ZNF85: variants seen among roughly 807,000 people sequenced by gnomAD.
ZNF85 encodes zinc finger protein 85, also known as zinc finger protein 85 (HPF4, HTF1).
A neutral mutation model predicts 53.9 loss-of-function variants in ZNF85; 50 were observed. That is an observed-to-expected ratio of 0.93 (90% CI 0.74 to 1.17). The LOEUF is 1.17. ZNF85 is among the 50% of genes most tolerant of loss of function. The pLI is 0.00. For missense variants in ZNF85, 747 were observed against 688.5 expected, an observed-to-expected ratio of 1.08 and a Z score of -0.95; for synonymous variants, 225 against 226.1, an observed-to-expected ratio of 1.00 and a Z score of 0.04.
At chr19:20,938,874 GTGTATATATA>G (rs58080876) in intron 3 of ZNF85, among the ~76,000 whole-genome samples, 32 of 140,804 alleles carry the variant, frequency 2.3e-4, no homozygotes, top group Admixed American at 1.1e-3. Flanking sequence ...GTGTGTGTGT[GTGTATATATA>G]TGTGTGTGTG....
In ZNF85 at chr19:20,949,422, C is replaced by A. The variant is rs114854839; in HGVS notation, c.908C>A (p.Thr303Asn). The change falls in exon 4 of 4, where the codon ACC (threonine) becomes AAC (asparagine). Residue 303 changes from threonine to asparagine, a missense_variant. By Grantham distance (65) the Thr-to-Asn change is moderately conservative. Coordinates refer to ENST00000328178, the MANE Select transcript of ZNF85 (RefSeq NM_003429.5). ...KAFNRSSTLT[T>N]HRKIHTGEKP... ...TTTAACCGATCTTCAACCCTTACTA[C>A]CCATAGAAAAATTCATACTGGAGAG... The A allele has an allele frequency of 3.1e-4, 493 of 1,601,850 alleles. 3 individuals carry two copies. The African/African-American group carries it at 5.9e-3, about 19-fold the overall frequency.
Position 20,949,065 on chromosome 19 carries a change from G to T in ZNF85, c.551G>T (p.Gly184Val). 1.9e-6 allele frequency: 3 copies of T among 1,613,776 alleles called. No individual in the cohort carries two copies. Among genetic ancestry groups the T allele is most frequent in the Non-Finnish European group, 2.5e-6 (3 of 1,179,804 alleles). The change falls in exon 4 of 4, where the codon GGC becomes GTC. Residue 184 changes from glycine to valine, a missense_variant. By Grantham distance (109) the Gly-to-Val change is moderately radical. Coordinates refer to ENST00000328178, the MANE Select transcript of ZNF85 (RefSeq NM_003429.5). ...FKCTKCGKSF[G>V]MISCLTEHSR... Reference sequence around the variant, plus strand: ...TGTACAAAATGTGGCAAATCATTTGGCATGATTTCATGCCTAACTGAACAT... The same window carrying T: ...TGTACAAAATGTGGCAAATCATTTGTCATGATTTCATGCCTAACTGAACAT...
chr19:20,948,708 G>A (rs1973480087), intron 3 of ZNF85, 36 bp from the exon 4 acceptor site: 7 of 1,419,106 alleles, frequency 4.9e-6, no homozygotes, highest in African/African-American at 1.4e-5. Flanking sequence ...TCTAAGTCTA[G>A]CAAGTGGAGT....
Position 20,950,419 on chromosome 19 carries a change from TATAAAA to T in ZNF85, c.*118_*123del, listed in dbSNP as rs59182323. 0.11 allele frequency: 78,601 copies of T among 694,250 alleles called. 4,765 individuals are homozygous for T. Among genetic ancestry groups the T allele is most frequent in the Non-Finnish European group, 0.12 (55,086 of 445,096 alleles). 43.0% of individuals were successfully genotyped at this position (694,250 alleles called of 1,614,324 possible). The stretch of plus-strand genomic sequence containing the variant: ...AATAATTTTGACAACACCTCAGACT[TATAAAA>T]GTAATCATACTGGTGAGAAATTCTA... On this transcript the variant is annotated 3_prime_UTR_variant, in exon 4 of 4. Transcript: ENST00000328178.
chr19:20,928,355 C>G (rs898875519), intron 1 of ZNF85: 4 of 152,296 alleles, frequency 2.6e-5, no homozygotes, highest in Non-Finnish European at 5.9e-5. Context: ...GAGGCCTGGC[C>G]TCGAATGGAA....
At chr19:20,924,210 TAA>T (rs918444750) in intron 1 of ZNF85, among the ~76,000 whole-genome samples, 3 of 152,098 alleles carry the variant, frequency 2.0e-5, no homozygotes, top group African/African-American at 7.2e-5. Flanking sequence ...GGAGCTTGAA[TAA>T]AAGACTTTTA....
At chr19:20,926,958 G>T (rs970185399) in intron 1 of ZNF85, 1 of 152,166 alleles carries the variant, frequency 6.6e-6, no homozygotes, top group Middle Eastern at 3.4e-3. Context: ...TCCTAGGGAG[G>T]AGCATAAAAG....
In ZNF85 at chr19:20,949,356, C is replaced by T. The variant is rs778540458; in HGVS notation, c.842C>T (p.Thr281Ile). 6.2e-7 allele frequency: 1 copy of T among 1,609,428 alleles called. No homozygotes were observed. The highest frequency in any genetic ancestry group is 1.1e-5 in the South Asian group (1 of 90,710). ...CTTACTACCCATAAGATAATTCATA[C>T]TGGAGAGAAACCCTACAAATGTAAA... ...STLTTHKIIH[T>I]GEKPYKCKEC... Residue 281 changes from threonine (T) to isoleucine (I), a missense_variant, in exon 4 of 4, where the codon ACT becomes ATT. Thr to Ile is a moderately conservative substitution (Grantham distance 89). Transcript: ENST00000328178.
rs947316112 is a variant in ZNF85, at chr19:20,949,202, T to C, written c.688T>C (p.Tyr230His). Residue 230 changes from tyrosine (Y) to histidine (H), a missense_variant, in exon 4 of 4, where the codon TAC becomes CAC. Coordinates refer to ENST00000328178, the MANE Select transcript of ZNF85 (RefSeq NM_003429.5). ...GAGAATTCATACGGGAGAGAAACCTTACAAATGTGAAGAATGTGGTAAAGC... is the reference window on the plus strand; with the variant it reads ...GAGAATTCATACGGGAGAGAAACCTCACAAATGTGAAGAATGTGGTAAAGC... ...HKRIHTGEKP[Y>H]KCEECGKAFN... 2.0e-5 allele frequency: 32 copies of C among 1,613,262 alleles called. No individual in the cohort carries two copies. Among genetic ancestry groups the C allele is most frequent in the Non-Finnish European group, 2.5e-5 (30 of 1,179,754 alleles).
At chr19:20,947,412 G>A (rs10454114) in intron 3 of ZNF85, among the ~76,000 whole-genome samples, 16,967 of 140,822 alleles carry the variant, frequency 0.12, 997 homozygotes, top group Middle Eastern at 0.15. Context: ...GCATTTTTAT[G>A]TAATAATATG....
At position 20,949,909 on chromosome 19, in the gene ZNF85, G is replaced by T; in HGVS notation, c.1395G>T (p.Gln465His). The change falls in exon 4 of 4, where the codon CAG becomes CAT. Residue 465 changes from glutamine to histidine, a missense_variant. Transcript: ENST00000328178. ...ECEKCGKAFNQSSNLTRHKKS... is the reference protein window; with the variant it reads ...ECEKCGKAFNHSSNLTRHKKS... ...AAAAATGTGGCAAAGCTTTTAACCA[G>T]TCCTCAAATCTTACTAGACATAAGA... is the stretch of plus-strand genomic sequence containing the variant. 6.2e-7 allele frequency: 1 copy of T among 1,611,866 alleles called. No individual in the cohort carries two copies. The highest frequency in any genetic ancestry group is 8.5e-7 in the Non-Finnish European group (1 of 1,179,008).
At chr19:20,927,535 G>A (rs1186237743) in intron 1 of ZNF85, 1 of 152,038 alleles carries the variant, frequency 6.6e-6, no homozygotes, top group African/African-American at 2.4e-5. Flanking sequence ...AATGTGTACA[G>A]TATGTATCTG....
intron 1 of ZNF85, among the ~76,000 whole-genome samples, chr19:20,926,106 G>GA (rs1220180331): frequency 1.3e-5 from 2 of 152,032 alleles, no homozygotes; most frequent in East Asian, 3.9e-4. Flanking sequence ...AAAAAATTAG[G>GA]AAAAATCTCT....
chr19:20,945,573 C>T (rs1485655164), intron 3 of ZNF85: 2 of 152,426 alleles, frequency 1.3e-5, no homozygotes, highest in African/African-American at 4.8e-5. Flanking sequence ...CAGCCTCCGC[C>T]TCCTGGGTTC....
intron 1 of ZNF85, among the ~76,000 whole-genome samples, 194 bp from the exon 2 acceptor site, chr19:20,933,830 T>C (rs1973084607): frequency 2.6e-5 from 4 of 152,220 alleles, no homozygotes; most frequent in Admixed American, 2.6e-4. Flanking sequence ...TAGAGAATAT[T>C]TCTGTGTTAA....
chr19:20,941,036 A>AT (rs1197678473), intron 3 of ZNF85, among the ~76,000 whole-genome samples: 1 of 152,058 alleles, frequency 6.6e-6, no homozygotes. Flanking sequence ...GCTGTACTTA[A>AT]TGATAATTCC....
At chr19:20,947,632 A>G (rs184084269) in intron 3 of ZNF85, among the ~76,000 whole-genome samples, 2 of 149,208 alleles carry the variant, frequency 1.3e-5, no homozygotes, top group East Asian at 4.0e-4. Flanking sequence ...CATCACTTTT[A>G]TCTTGCATCT....
chr19:20,949,225 A>T lies in ZNF85; in HGVS notation c.711A>T (p.Lys237Asn), dbSNP rs1376125392. The change falls in exon 4 of 4, where the codon AAA becomes AAT. Residue 237 changes from lysine to asparagine, a missense_variant. Lys to Asn is a moderately conservative substitution (Grantham distance 94). Transcript: ENST00000328178. Reference sequence around the variant, plus strand: ...CTTACAAATGTGAAGAATGTGGTAAAGCCTTTAACCAGTCCTCAAACCTTA... The same window carrying T: ...CTTACAAATGTGAAGAATGTGGTAATGCCTTTAACCAGTCCTCAAACCTTA... ...EKPYKCEECG[K>N]AFNQSSNLIK... 2 of 1,613,278 alleles carry T rather than the reference A, an allele frequency of 1.2e-6. No individual in the cohort carries two copies. The highest frequency in any genetic ancestry group is 1.7e-6 in the Non-Finnish European group (2 of 1,179,758).
chr19:20,929,403 G>A (rs1972955678), intron 1 of ZNF85, among the ~76,000 whole-genome samples: 2 of 151,960 alleles, frequency 1.3e-5, no homozygotes, highest in African/African-American at 4.8e-5. Context: ...TGGCCAGGTT[G>A]GTCTCAAACT....
Sources: allele counts gnomAD v4.1 joint callset (sites outside exome capture counted in the v4.1 genomes callset), GRCh38; gene constraint gnomAD v4.1.1; transcripts MANE v1.5; gene names NCBI Gene and HGNC (gene_info 2026-07-23, HGNC 2026-07-21).